Variants in GRXCR1 observed in about 807,000 individuals in gnomAD.
GRXCR1 encodes the protein glutaredoxin domain-containing cysteine-rich protein 1.
GRXCR1 carries 27 observed loss-of-function variants against 27.3 expected under a neutral mutation model. The observed-to-expected ratio is 0.99, with a 90% CI of 0.73 to 1.37. The LOEUF is 1.37. Ranked by LOEUF, GRXCR1 falls within the 40% of genes most tolerant of loss-of-function variation. The pLI is 0.00. For missense variants in GRXCR1, 379 were observed against 354.4 expected (o/e 1.07, Z -0.56); for synonymous variants, 122 against 131.1 (o/e 0.93, Z 0.47).
At chr4:42,956,252 T>C (rs1338055727) in intron 1 of GRXCR1, among the ~76,000 whole-genome samples, 2 of 152,068 alleles carry the variant, frequency 1.3e-5, no homozygotes, top group Admixed American at 6.6e-5. Flanking sequence ...CTAGGTCGGC[T>C]CTCTCAGAGC....
intron 1 of GRXCR1, among the ~76,000 whole-genome samples, chr4:42,905,019 G>T (rs1032964033): frequency 2.0e-5 from 3 of 152,174 alleles, no homozygotes; most frequent in Admixed American, 2.0e-4. Context: ...GGTACCACAA[G>T]ATTTTTTGGC....
chr4:42,983,568 G>A (rs1391207369), intron 2 of GRXCR1, among the ~76,000 whole-genome samples: 9 of 150,994 alleles, frequency 6.0e-5, no homozygotes, highest in East Asian at 1.9e-4. Context: ...TGAACTTTAA[G>A]GTAGTTTTTT....
Position 43,000,189 on chromosome 4 carries a change from C to T in GRXCR1, c.628-20165C>T, listed in dbSNP as rs1712304969. Among the ~76,000 whole-genome samples the T allele has an allele frequency of 3.3e-5, 5 of 152,090 alleles. 1 individual carries two copies. The South Asian group carries it at 8.3e-4, about 25-fold the overall frequency. ...TTCTGCCTGTTACTCACTTAGAAGG[C>T]GTCTAAGGGGGTGGGCACTGTGGCT... On this transcript the variant is annotated intron_variant, in intron 2 of 3. Coordinates refer to ENST00000399770, the MANE Select transcript of GRXCR1 (RefSeq NM_001080476.3).
chr4:42,907,837 A>G (rs959331770), intron 1 of GRXCR1, among the ~76,000 whole-genome samples: 4 of 152,154 alleles, frequency 2.6e-5, no homozygotes, highest in Non-Finnish European at 5.9e-5. Flanking sequence ...TTCTGGGATC[A>G]AGGACTTGGA....
intron 2 of GRXCR1, among the ~76,000 whole-genome samples, chr4:42,985,240 T>C (rs1199622357): frequency 5.9e-5 from 9 of 152,224 alleles, no homozygotes. Context: ...TTCACTCTTC[T>C]CTCCTATATT....
chr4:43,003,696 C>A (rs1329831719), intron 2 of GRXCR1, among the ~76,000 whole-genome samples: 3 of 152,146 alleles, frequency 2.0e-5, no homozygotes, highest in African/African-American at 7.2e-5. Context: ...ATATGATTTA[C>A]AGCATCTGGC....
At position 42,914,582 on chromosome 4, in the gene GRXCR1, G is replaced by T. The variant is rs373021551; in HGVS notation, c.384+20932G>T. On this transcript the variant is annotated intron_variant, in intron 1 of 3. Transcript: ENST00000399770. ...GAAAGGGACTTGCTTTATCTCTGATGGGACTTTGGACTTGGACTTTTGAGT... is the reference window on the plus strand; with the variant it reads ...GAAAGGGACTTGCTTTATCTCTGATTGGACTTTGGACTTGGACTTTTGAGT... Among the ~76,000 whole-genome samples the T allele has an allele frequency of 4.3e-4, 65 of 152,242 alleles. 2 individuals are homozygous for T. The South Asian group carries it at 9.7e-3, about 23-fold the overall frequency.
chr4:42,930,196 G>A (rs1008419880), intron 1 of GRXCR1, among the ~76,000 whole-genome samples: 9 of 151,962 alleles, frequency 5.9e-5, no homozygotes, highest in African/African-American at 2.2e-4. Flanking sequence ...CCAAAGGTTG[G>A]GAGACTAGGG....
chr4:42,973,153 A>C (rs1748427592), intron 2 of GRXCR1, among the ~76,000 whole-genome samples: 1 of 152,126 alleles, frequency 6.6e-6, no homozygotes, highest in Non-Finnish European at 1.5e-5. Flanking sequence ...AGACTTTCCA[A>C]GTTTGCTAGT....
intron 1 of GRXCR1, among the ~76,000 whole-genome samples, chr4:42,946,985 C>T (rs1397310600): frequency 6.6e-6 from 1 of 152,092 alleles, no homozygotes; most frequent in African/African-American, 2.4e-5. Context: ...GCGCACAACC[C>T]ACCGAATGGA....
chr4:42,929,728 C>T (rs1747260651), intron 1 of GRXCR1, among the ~76,000 whole-genome samples: 1 of 151,800 alleles, frequency 6.6e-6, no homozygotes, highest in African/African-American at 2.4e-5. Context: ...ATAGAATGAC[C>T]CAAGCTGCCC....
intron 1 of GRXCR1, among the ~76,000 whole-genome samples, chr4:42,958,298 A>G (rs572111235): frequency 1.3e-5 from 2 of 152,150 alleles, no homozygotes; most frequent in East Asian, 3.9e-4. Context: ...CACAAGGTAA[A>G]CTAATTTTGA....
At chr4:42,907,820 A>C (rs1003336379) in intron 1 of GRXCR1, among the ~76,000 whole-genome samples, 1 of 152,160 alleles carries the variant, frequency 6.6e-6, no homozygotes, top group Non-Finnish European at 1.5e-5. Context: ...TTGGGGGAAA[A>C]GCTCCGTTCT....
chr4:42,928,700 A>G (rs1747228407), intron 1 of GRXCR1, among the ~76,000 whole-genome samples: 1 of 152,026 alleles, frequency 6.6e-6, no homozygotes, highest in South Asian at 2.1e-4. Context: ...AGATTGGGCC[A>G]CAGCCTTTAC....
chr4:42,937,153 A>C (rs564381278), intron 1 of GRXCR1, among the ~76,000 whole-genome samples: 1 of 151,938 alleles, frequency 6.6e-6, no homozygotes, highest in Non-Finnish European at 1.5e-5. Flanking sequence ...GTGGACTCAT[A>C]GGTATTTATT....
chr4:42,958,051 C>G (rs1450887623), intron 1 of GRXCR1, among the ~76,000 whole-genome samples: 1 of 151,710 alleles, frequency 6.6e-6, no homozygotes, highest in African/African-American at 2.4e-5. Context: ...TTGTTTGTAC[C>G]CATCTATCTT....
rs942496031 is a variant in GRXCR1 at position 43,013,074 on chromosome 4, T to C, written c.628-7280T>C. Among the ~76,000 whole-genome samples, 4 of 152,338 alleles carry C rather than the reference T, an allele frequency of 2.6e-5. No individual in the cohort carries two copies. The South Asian group carries it at 6.2e-4, about 24-fold the overall frequency. On this transcript the variant is annotated intron_variant, in intron 2 of 3. Transcript: ENST00000399770. ...AAGGGAATGCTTGTATTACCATTGA[T>C]GGGAAAGTAAATTATTTCAGCCAGT...
At chr4:43,009,296 A>G (rs140544190) in intron 2 of GRXCR1, among the ~76,000 whole-genome samples, 70 of 152,312 alleles carry the variant, frequency 4.6e-4, no homozygotes, top group African/African-American at 1.6e-3. Context: ...ATCTTTCTAG[A>G]CAAGGTTATT....
At chr4:43,016,207 A>C (rs1355846449) in intron 2 of GRXCR1, among the ~76,000 whole-genome samples, 1 of 152,208 alleles carries the variant, frequency 6.6e-6, no homozygotes, top group Non-Finnish European at 1.5e-5. Context: ...CAGGGCATCA[A>C]CCCAAACTGC....
Sources: gnomAD v4.1 joint callset for allele counts (sites outside exome capture counted in the v4.1 genomes callset) on GRCh38, gnomAD v4.1.1 for gene constraint, MANE v1.5 for transcripts, NCBI Gene and HGNC (gene_info 2026-07-23, HGNC 2026-07-21) for gene names.